SNAP47: variants seen among roughly 807,000 people sequenced by gnomAD.
SNAP47 encodes the protein synaptosomal-associated protein 47.
Under a neutral mutation model 31.4 loss-of-function variants are expected in SNAP47, and 20 were observed. That is an observed-to-expected ratio of 0.64 (90% confidence interval 0.45 to 0.93). The LOEUF (loss-of-function observed/expected upper bound fraction) is 0.93. Ranked by LOEUF, SNAP47 falls within the 40% of genes least tolerant of loss-of-function variation. The pLI is 0.00. For missense variants in SNAP47, 492 were observed against 528.5 expected, an observed-to-expected ratio of 0.93 and a Z score of 0.68; for synonymous variants, 194 against 213.4, an observed-to-expected ratio of 0.91 and a Z score of 0.79.
upstream of SNAP47, chr1:227,730,424 ATTT>A (rs11312012): frequency 8.2e-5 from 12 of 146,178 alleles, no homozygotes; most frequent in African/African-American, 1.8e-4. Flanking sequence ...TGGTGTCAGC[ATTT>A]TTTTTTTTTT....
intron 4 of SNAP47, among the ~76,000 whole-genome samples, chr1:227,775,032 A>G (rs2102997021): frequency 6.6e-6 from 1 of 152,258 alleles, no homozygotes; most frequent in Non-Finnish European, 1.5e-5. Flanking sequence ...CGCCGTGCTC[A>G]TTGCCTCGAC....
At chr1:227,760,548 G>T (rs144090978) in intron 3 of SNAP47, among the ~76,000 whole-genome samples, 2 of 152,184 alleles carry the variant, frequency 1.3e-5, no homozygotes, top group African/African-American at 2.4e-5. Context: ...GTCTTGGCAC[G>T]TCCACCACGT....
upstream of SNAP47, chr1:227,732,526 G>A (rs372699883): frequency 3.8e-5 from 61 of 1,613,238 alleles, no homozygotes; most frequent in Admixed American, 3.7e-4. Flanking sequence ...TCTGTGATGC[G>A]CCCAACATCA....
upstream of SNAP47, chr1:227,734,717 T>C (rs1351444884): frequency 6.2e-7 from 1 of 1,614,174 alleles, no homozygotes; most frequent in Non-Finnish European, 8.5e-7. Flanking sequence ...CTGTATGTAC[T>C]CTTTCCAGTA....
chr1:227,765,896 G>A (rs753238797), intron 3 of SNAP47, among the ~76,000 whole-genome samples: 1 of 152,156 alleles, frequency 6.6e-6, no homozygotes, highest in African/African-American at 2.4e-5. Context: ...GGGTTGATAG[G>A]CTGGCGGGGG....
intron 1 of SNAP47, chr1:227,747,089 C>G (rs369112804): frequency 6.6e-6 from 1 of 152,352 alleles, no homozygotes. Context: ...TAAGTTAGTA[C>G]GCGTACGTGT....
upstream of SNAP47, chr1:227,733,464 C>T: frequency 1.3e-6 from 2 of 1,590,088 alleles, no homozygotes; most frequent in Non-Finnish European, 8.6e-7. Context: ...ACCATCTCGC[C>T]CGCTTCCTGC....
chr1:227,781,034 G>A lies in SNAP47; in HGVS notation c.*361G>A. ...GCCTTCTTAGCTGTACTATAAATTT[G>A]TGAGTGAAGTTAGAGCCCAGCTCAC... On this transcript the variant is annotated 3_prime_UTR_variant, in exon 5 of 5. Transcript: ENST00000617596. 4.5e-6 allele frequency: 1 copy of A among 221,598 alleles called. No homozygotes were observed. Among genetic ancestry groups the A allele is most frequent in the Non-Finnish European group, 8.9e-6 (1 of 112,294 alleles). The allele number at this position is 221,598 out of a possible 1,614,324, so 13.7% of individuals were successfully genotyped here.
intron 3 of SNAP47, chr1:227,759,712 T>C (rs1274128910): frequency 1.7e-6 from 1 of 592,736 alleles, no homozygotes; most frequent in African/African-American, 1.9e-5. Context: ...GTACACTTGA[T>C]AGGTGCGTGA....
chr1:227,736,323 A>T (rs1445484750), intron 1 of SNAP47: 1 of 152,238 alleles, frequency 6.6e-6, no homozygotes, highest in East Asian at 1.9e-4. Context: ...GGGGCTGTGT[A>T]CACATGAGCA....
chr1:227,756,694 T>A (rs144294833), intron 2 of SNAP47, among the ~76,000 whole-genome samples: 2 of 150,768 alleles, frequency 1.3e-5, no homozygotes, highest in Non-Finnish European at 3.0e-5. Flanking sequence ...GTCCCAATCA[T>A]GTGGAGAGGC....
intron 2 of SNAP47, among the ~76,000 whole-genome samples, chr1:227,750,478 C>G (rs1662276615): frequency 2.0e-5 from 3 of 152,224 alleles, no homozygotes; most frequent in Admixed American, 2.0e-4. Flanking sequence ...TGTGGCCCTG[C>G]TATGTGGACA....
chr1:227,752,772 A>C (rs1394382123), intron 2 of SNAP47, among the ~76,000 whole-genome samples: 1 of 152,238 alleles, frequency 6.6e-6, no homozygotes, highest in Non-Finnish European at 1.5e-5. Flanking sequence ...TTGTGACTCC[A>C]GATCAGGGGT....
intron 2 of SNAP47, among the ~76,000 whole-genome samples, chr1:227,752,341 G>A (rs939673472): frequency 6.6e-6 from 1 of 152,148 alleles, no homozygotes; most frequent in African/African-American, 2.4e-5. Flanking sequence ...CAGCTACCAT[G>A]TCATTACTGC....
chr1:227,735,408 G>T, upstream of SNAP47: 1 of 1,557,092 alleles, frequency 6.4e-7, no homozygotes, highest in Non-Finnish European at 8.6e-7. Context: ...GGGCCTGCAC[G>T]CATGCGCGCG....
At chr1:227,775,960 C>T (rs1300978706) in intron 4 of SNAP47, 8 of 1,286,628 alleles carry the variant, frequency 6.2e-6, no homozygotes, top group Non-Finnish European at 8.2e-6. Context: ...CCACAGCGCC[C>T]AGGGCATCCT....
intron 4 of SNAP47, among the ~76,000 whole-genome samples, chr1:227,772,162 T>A (rs1663856675): frequency 6.6e-6 from 1 of 152,200 alleles, no homozygotes; most frequent in African/African-American, 2.4e-5. Flanking sequence ...TAATACGTGT[T>A]ATAGCAGTGG....
chr1:227,734,770 G>C (rs373064733), upstream of SNAP47: 3 of 1,614,146 alleles, frequency 1.9e-6, no homozygotes, highest in Admixed American at 5.0e-5. Flanking sequence ...TGGGGTTCGA[G>C]TTGTATTCCT....
intron 4 of SNAP47, among the ~76,000 whole-genome samples, chr1:227,768,907 T>C (rs1663610948): frequency 6.6e-6 from 1 of 152,254 alleles, no homozygotes; most frequent in African/African-American, 2.4e-5. Flanking sequence ...AGATACTCAC[T>C]GTATCCCACG....
Sources: gnomAD v4.1 joint callset for allele counts (sites outside exome capture counted in the v4.1 genomes callset) on GRCh38, gnomAD v4.1.1 for gene constraint, MANE v1.5 for transcripts, NCBI Gene and HGNC (gene_info 2026-07-23, HGNC 2026-07-21) for gene names.